Variants in CSMD3 observed in about 807,000 individuals in gnomAD.
CSMD3 encodes CUB and sushi domain-containing protein 3.
A neutral mutation model predicts 435.2 loss-of-function variants in CSMD3; 177 were observed. The observed-to-expected ratio is 0.41, with a 90% CI of 0.36 to 0.46. The LOEUF (loss-of-function observed/expected upper bound fraction) is 0.46, where lower values mean the gene tolerates loss of function less well. CSMD3 is among the 20% of genes least tolerant of loss of function. CSMD3 has a pLI of 0.34. For missense variants in CSMD3, 4,265 were observed against 4,504.6 expected (o/e 0.95, Z 1.52); for synonymous variants, 1,656 against 1,520.5 (o/e 1.09, Z -2.07).
chr8:112,840,886 A>T (rs1805993833), intron 11 of CSMD3, among the ~76,000 whole-genome samples: 1 of 151,756 alleles, frequency 6.6e-6, no homozygotes, highest in Non-Finnish European at 1.5e-5. Context: ...ACACATATTT[A>T]AAAATATGAC....
intron 1 of CSMD3, among the ~76,000 whole-genome samples, chr8:113,316,551 CTTT>C (rs33988841): frequency 0.25 from 35,965 of 143,838 alleles, 4,492 homozygotes; most frequent in African/African-American, 0.31. Context: ...CAGCTATATA[CTTT>C]TTTTTTTTTT....
intron 10 of CSMD3, among the ~76,000 whole-genome samples, chr8:112,872,081 A>G (rs1270312463): frequency 2.6e-5 from 4 of 152,190 alleles, no homozygotes; most frequent in East Asian, 1.9e-4. Context: ...CTCTGAATCA[A>G]TTAGAATTCT....
chr8:113,335,537 CTTTTTTTTTTT>C lies in CSMD3; in HGVS notation c.179-20755_179-20745del, dbSNP rs1222360431. 3.4e-3 allele frequency among the ~76,000 whole-genome samples: 101 copies of C among 29,732 alleles called. 1 individual carries two copies. In the East Asian group the frequency reaches 0.15, roughly 44 times the overall value. The allele number at this position is 29,732 out of a possible 152,430, so 19.5% of individuals were successfully genotyped here. A position where few individuals can be genotyped will look rare whatever the true frequency, so the allele number is the denominator to read the frequency against. On this transcript the variant is annotated intron_variant, in intron 1 of 70. Coordinates refer to ENST00000297405, the MANE Select transcript of CSMD3 (RefSeq NM_198123.2). ...TCTGGATTTAGCTCTCCTCCTCCTT[CTTTTTTTTTTT>C]TTTTTTTTTTTTTTGGGTATTTACA...
chr8:112,619,946 C>T (rs1370701034), intron 22 of CSMD3, among the ~76,000 whole-genome samples: 5 of 104,020 alleles, frequency 4.8e-5, no homozygotes, highest in African/African-American at 1.9e-4. Context: ...ACGGTAAAAA[C>T]AAACAACAAA....
At chr8:112,533,938 C>A (rs1825793446) in intron 27 of CSMD3, among the ~76,000 whole-genome samples, 1 of 151,824 alleles carries the variant, frequency 6.6e-6, no homozygotes, top group Admixed American at 6.6e-5. Context: ...GGAATAAAAC[C>A]AGAAATCAAA....
intron 3 of CSMD3, among the ~76,000 whole-genome samples, chr8:113,200,532 C>G (rs760896364): frequency 5.3e-5 from 8 of 151,738 alleles, no homozygotes; most frequent in Non-Finnish European, 8.8e-5. Context: ...GCACACTATA[C>G]TACAGCTAAA....
At chr8:112,799,307 G>C (rs890955421) in intron 13 of CSMD3, among the ~76,000 whole-genome samples, 8 of 151,772 alleles carry the variant, frequency 5.3e-5, no homozygotes, top group African/African-American at 1.7e-4. Context: ...GTGTTTGTAA[G>C]AGAAAATTCT....
intron 6 of CSMD3, chr8:113,018,730 T>A: frequency 3.6e-6 from 1 of 279,114 alleles, no homozygotes; most frequent in South Asian, 4.4e-5. Context: ...AGAGCGTACA[T>A]GCAACTGAAG....
chr8:112,715,839 A>G (rs113531843), intron 13 of CSMD3, among the ~76,000 whole-genome samples: 3,857 of 152,308 alleles, frequency 0.025, 75 homozygotes, highest in East Asian at 0.074. Context: ...GATTATTTCA[A>G]TAGATGCAGA....
At chr8:112,704,222 C>A (rs376154066) in intron 13 of CSMD3, among the ~76,000 whole-genome samples, 2 of 151,782 alleles carry the variant, frequency 1.3e-5, no homozygotes, top group African/African-American at 4.8e-5. Flanking sequence ...CTCAATGATC[C>A]CCCCACCTCA....
At position 113,277,734 on chromosome 8, in the gene CSMD3, T is replaced by C. The variant is rs144343241; in HGVS notation, c.514+858A>G. On this transcript the variant is annotated intron_variant, in intron 3 of 70. Transcript: ENST00000297405. ...ATTGAAATCTGATACACTATCCCTA[T>C]GGGGAAGAAAAGGACTCTTTCCTAA... 1.5e-3 allele frequency among the ~76,000 whole-genome samples: 227 copies of C among 152,044 alleles called. 1 individual carries two copies. The highest frequency in any genetic ancestry group is 2.7e-3 in the Non-Finnish European group (185 of 67,900).
At chr8:112,374,445 C>T (rs1828753142) in intron 38 of CSMD3, among the ~76,000 whole-genome samples, 1 of 152,034 alleles carries the variant, frequency 6.6e-6, no homozygotes, top group African/African-American at 2.4e-5. Flanking sequence ...TAGCACCTGC[C>T]ACTGTAGTAT....
intron 12 of CSMD3, among the ~76,000 whole-genome samples, chr8:112,808,275 A>T (rs2079140488): frequency 6.6e-6 from 1 of 152,148 alleles, no homozygotes; most frequent in Non-Finnish European, 1.5e-5. Context: ...CCGGTAAAGT[A>T]TCTTTTAATA....
intron 2 of CSMD3, among the ~76,000 whole-genome samples, chr8:113,297,092 G>C (rs547490562): frequency 6.6e-6 from 1 of 152,050 alleles, no homozygotes; most frequent in African/African-American, 2.4e-5. Context: ...AAAACATTTT[G>C]TTAAAATATT....
chr8:113,334,946 G>A (rs1017518592), intron 1 of CSMD3, among the ~76,000 whole-genome samples: 1 of 152,004 alleles, frequency 6.6e-6, no homozygotes, highest in Non-Finnish European at 1.5e-5. Context: ...ATACGGTTTG[G>A]ATCTATGTCC....
At chr8:112,992,376 G>T (rs1259691019) in intron 6 of CSMD3, among the ~76,000 whole-genome samples, 1 of 151,558 alleles carries the variant, frequency 6.6e-6, no homozygotes, top group Non-Finnish European at 1.5e-5. Context: ...AAACATACAC[G>T]GTGATTTCAA....
rs557843880 is a variant in CSMD3 at position 112,231,491 on chromosome 8, T to A, written c.10828+54A>T. 6.5e-4 allele frequency: 714 copies of A among 1,093,626 alleles called. 7 individuals are homozygous for A. The highest frequency in any genetic ancestry group is 4.5e-3 in the South Asian group (364 of 80,470). The allele number at this position is 1,093,626 out of a possible 1,614,324, so 67.7% of individuals were successfully genotyped here. A position where few individuals can be genotyped will look rare whatever the true frequency, so the allele number is the denominator to read the frequency against. ...TGTACAGAATCCACAGTCTTTTTTT[T>A]ATGATGTCTGGGATAATAACAGAAG... On this transcript the variant is annotated intron_variant, in intron 69 of 70. Transcript: ENST00000297405.
At chr8:112,246,565 G>C (rs529484548) in intron 64 of CSMD3, among the ~76,000 whole-genome samples, 1 of 152,102 alleles carries the variant, frequency 6.6e-6, no homozygotes, top group Non-Finnish European at 1.5e-5. Flanking sequence ...TTCTAAAATT[G>C]TTCTCAAATT....
chr8:113,197,743 C>T lies in CSMD3; in HGVS notation c.515-23827G>A, dbSNP rs552073336. Among the ~76,000 whole-genome samples, 5 of 151,222 alleles carry T rather than the reference C, an allele frequency of 3.3e-5. No homozygotes were observed. The South Asian group carries it at 1.0e-3, about 31-fold the overall frequency. ...ACAGAATATTTTATACATCATTTTT[C>T]TGTCAATAATAATTGTAAACATCAT... On this transcript the variant is annotated intron_variant, in intron 3 of 70. Transcript: ENST00000297405.
Sources: gnomAD v4.1 joint callset for allele counts (sites outside exome capture counted in the v4.1 genomes callset) on GRCh38, gnomAD v4.1.1 for gene constraint, MANE v1.5 for transcripts, NCBI Gene and HGNC (gene_info 2026-07-23, HGNC 2026-07-21) for gene names.